ARPP21: variants seen among roughly 807,000 people sequenced by gnomAD.
ARPP21 encodes the protein cAMP-regulated phosphoprotein 21.
Under a neutral mutation model 113.2 loss-of-function variants are expected in ARPP21, and 69 were observed. The observed-to-expected ratio is 0.61, with a 90% CI of 0.50 to 0.74. The LOEUF (loss-of-function observed/expected upper bound fraction) is 0.74, where lower values mean the gene tolerates loss of function less well. Ranked by LOEUF, ARPP21 falls within the 30% of genes least tolerant of loss-of-function variation. ARPP21 has a pLI of 0.00. For missense variants in ARPP21, 1,070 were observed against 1,037.4 expected, an observed-to-expected ratio of 1.03 and a Z score of -0.43; for synonymous variants, 368 against 375.5, an observed-to-expected ratio of 0.98 and a Z score of 0.23.
Position 35,708,952 on chromosome 3 carries a change from T to A in ARPP21, c.796-17T>A. ...ACGCAACTTGGATAACCCTCCTGAT[T>A]TCTTTTTTCTGTTCAGCAAAACAGA... is the stretch of plus-strand genomic sequence containing the variant. On this transcript the variant is annotated splice_polypyrimidine_tract_variant and intron_variant, in intron 10 of 20. Coordinates refer to ENST00000684406, the MANE Select transcript of ARPP21 (RefSeq NM_001385562.1). 1 of 1,589,854 alleles carries A rather than the reference T, an allele frequency of 6.3e-7. No individual in the cohort carries two copies. The highest frequency in any genetic ancestry group is 8.6e-7 in the Non-Finnish European group (1 of 1,159,568).
intron 9 of ARPP21, among the ~76,000 whole-genome samples, chr3:35,706,195 C>T (rs1055525174): frequency 1.3e-5 from 2 of 152,112 alleles, no homozygotes; most frequent in Admixed American, 1.3e-4. Flanking sequence ...AACCCAAGTC[C>T]AGATCATTCA....
At chr3:35,732,143 A>C (rs1030379824) in intron 15 of ARPP21, among the ~76,000 whole-genome samples, 1 of 152,176 alleles carries the variant, frequency 6.6e-6, no homozygotes, top group East Asian at 1.9e-4. Flanking sequence ...ATAATTGATA[A>C]AACATCTGTT....
chr3:35,758,478 C>T (rs1258186029), intron 19 of ARPP21, among the ~76,000 whole-genome samples: 1 of 151,786 alleles, frequency 6.6e-6, no homozygotes, highest in Non-Finnish European at 1.5e-5. Flanking sequence ...TTAAAAATGA[C>T]ACAATTCAAG....
At chr3:35,703,390 G>T (rs573688798) in intron 9 of ARPP21, among the ~76,000 whole-genome samples, 167 of 151,976 alleles carry the variant, frequency 1.1e-3, no homozygotes, top group Non-Finnish European at 2.0e-3. Flanking sequence ...GAACAATGAA[G>T]AATTAATTCT....
At chr3:35,779,736 TA>T (rs1157818333) in intron 19 of ARPP21, among the ~76,000 whole-genome samples, 1 of 152,162 alleles carries the variant, frequency 6.6e-6, no homozygotes, top group East Asian at 1.9e-4. Flanking sequence ...ATTTACAACC[TA>T]AAAAACATCA....
intron 9 of ARPP21, among the ~76,000 whole-genome samples, chr3:35,692,700 T>A (rs1255116109): frequency 6.6e-6 from 1 of 151,672 alleles, no homozygotes; most frequent in African/African-American, 2.4e-5. Flanking sequence ...ATATCAAGAC[T>A]CCTGGTCATC....
intron 15 of ARPP21, among the ~76,000 whole-genome samples, chr3:35,734,160 C>T (rs1279628621): frequency 6.6e-6 from 1 of 151,930 alleles, no homozygotes; most frequent in East Asian, 1.9e-4. Context: ...CAGATGGAGT[C>T]GTATGCCTGT....
At chr3:35,665,746 C>T (rs2074203027) in intron 1 of ARPP21, among the ~76,000 whole-genome samples, 1 of 152,140 alleles carries the variant, frequency 6.6e-6, no homozygotes, top group Admixed American at 6.5e-5. Flanking sequence ...GAACCCTATT[C>T]CATTTTGTAA....
intron 1 of ARPP21, among the ~76,000 whole-genome samples, chr3:35,660,735 G>C (rs1347231558): frequency 6.6e-6 from 1 of 152,164 alleles, no homozygotes; most frequent in African/African-American, 2.4e-5. Context: ...ACTTTTGACT[G>C]AGGATTTTGA....
At chr3:35,646,928 G>T (rs187470746) in intron 1 of ARPP21, among the ~76,000 whole-genome samples, 7 of 152,060 alleles carry the variant, frequency 4.6e-5, no homozygotes, top group African/African-American at 1.7e-4. Context: ...TTTCACTCCC[G>T]TGTCATTTAA....
At chr3:35,792,560 G>A (rs754287950) in intron 20 of ARPP21, 30 bp downstream of exon 20, 1 of 1,612,946 alleles carries the variant, frequency 6.2e-7, no homozygotes, top group South Asian at 1.1e-5. Flanking sequence ...AAAATTGTGG[G>A]TTTTAAAGTA....
chr3:35,673,011 G>A (rs996496841), intron 1 of ARPP21, among the ~76,000 whole-genome samples: 19 of 151,992 alleles, frequency 1.3e-4, no homozygotes, highest in African/African-American at 3.6e-4. Flanking sequence ...AATAATCTAC[G>A]TAGAAAACTC....
chr3:35,668,036 A>AAGAAGAAGAAGG (rs1559551013), intron 1 of ARPP21, among the ~76,000 whole-genome samples: 16 of 143,716 alleles, frequency 1.1e-4, no homozygotes, highest in African/African-American at 4.3e-4. Context: ...GAAGAAGGAG[A>AAGAAGAAGAAGG]AGAAGAAGAA....
intron 19 of ARPP21, among the ~76,000 whole-genome samples, chr3:35,757,195 A>G (rs2095603216): frequency 6.6e-6 from 1 of 150,786 alleles, no homozygotes; most frequent in African/African-American, 2.4e-5. Context: ...AGTAGCTGGG[A>G]TTACAAGCAC....
intron 1 of ARPP21, among the ~76,000 whole-genome samples, chr3:35,661,731 G>C (rs1707901261): frequency 2.0e-5 from 3 of 152,146 alleles, no homozygotes; most frequent in Non-Finnish European, 4.4e-5. Flanking sequence ...CCTGGAGAGA[G>C]AATGAGGCAC....
intron 18 of ARPP21, among the ~76,000 whole-genome samples, chr3:35,742,536 C>A (rs149235862): frequency 2.6e-5 from 4 of 152,208 alleles, no homozygotes; most frequent in Admixed American, 2.0e-4. Context: ...GCCTCTTGCC[C>A]TTGAATATCC....
chr3:35,766,390 A>C lies in ARPP21; in HGVS notation c.2137+22425A>C, dbSNP rs556509555. Among the ~76,000 whole-genome samples the C allele has an allele frequency of 3.3e-4, 51 of 152,286 alleles. No individual in the cohort carries two copies. The South Asian group carries it at 0.01, about 31-fold the overall frequency. On this transcript the variant is annotated intron_variant, in intron 19 of 20. Coordinates refer to ENST00000684406, the MANE Select transcript of ARPP21 (RefSeq NM_001385562.1). ...CAAGAGAGGCTTTGCTACTTAAAAAACAAAAAAGAAGAAGAAGGAGAAGAA... is the reference window on the plus strand; with the variant it reads ...CAAGAGAGGCTTTGCTACTTAAAAACCAAAAAAGAAGAAGAAGGAGAAGAA...
At chr3:35,695,160 C>A (rs193146670) in intron 9 of ARPP21, among the ~76,000 whole-genome samples, 1 of 151,346 alleles carries the variant, frequency 6.6e-6, no homozygotes, top group Non-Finnish European at 1.5e-5. Context: ...ACTTATGCCA[C>A]ATCTACAAGA....
At chr3:35,729,249 G>T in intron 14 of ARPP21, 54 bp from the exon 15 acceptor site, 1 of 1,273,980 alleles carries the variant, frequency 7.8e-7, no homozygotes, top group Non-Finnish European at 1.1e-6. Context: ...TCAGATTGGT[G>T]CTTTCTCTCA....
Sources: allele counts gnomAD v4.1 joint callset (sites outside exome capture counted in the v4.1 genomes callset), GRCh38; gene constraint gnomAD v4.1.1; transcripts MANE v1.5; gene names NCBI Gene and HGNC (gene_info 2026-07-23, HGNC 2026-07-21).